The following CAMK1D variants were observed in gnomAD, a reference collection of about 807,000 sequenced individuals.
The protein encoded by CAMK1D is calcium/calmodulin dependent protein kinase ID, also known as calcium/calmodulin-dependent protein kinase type 1D.
CAMK1D carries 9 observed loss-of-function variants against 47.7 expected under a neutral mutation model. The observed-to-expected ratio is 0.19, with a 90% CI of 0.11 to 0.33. CAMK1D has a LOEUF of 0.33. CAMK1D is among the 10% of genes least tolerant of loss of function. The pLI is 1.00. For missense variants in CAMK1D, 291 were observed against 488.7 expected, an observed-to-expected ratio of 0.60 and a Z score of 3.81; for synonymous variants, 184 against 184.9, an observed-to-expected ratio of 0.99 and a Z score of 0.04.
intron 2 of CAMK1D, among the ~76,000 whole-genome samples, chr10:12,650,789 C>T (rs142095729): frequency 6.6e-6 from 1 of 152,294 alleles, no homozygotes; most frequent in African/African-American, 2.4e-5. Flanking sequence ...TTATCAAAAA[C>T]ATCAGCTCTG....
chr10:12,624,105 C>G (rs969323854), intron 2 of CAMK1D, among the ~76,000 whole-genome samples: 4 of 151,816 alleles, frequency 2.6e-5, no homozygotes, highest in Admixed American at 6.6e-5. Context: ...CAAAAAACTG[C>G]AATTAAGGAA....
rs185738045 is a variant in CAMK1D, at chr10:12,522,613, A to C, written c.93-30612A>C. On this transcript the variant is annotated intron_variant, in intron 1 of 10. Transcript: ENST00000619168. ...TGTCCACTTCTTTCCACACAGACAC[A>C]GCAACCATCTGATTGCTCAATATTT... Among the ~76,000 whole-genome samples the C allele has an allele frequency of 9.6e-3, 1,455 of 152,116 alleles. 13 individuals carry two copies. The highest frequency in any genetic ancestry group is 0.041 in the Middle Eastern group (12 of 294).
intron 2 of CAMK1D, among the ~76,000 whole-genome samples, chr10:12,561,187 G>T (rs908482957): frequency 3.4e-4 from 52 of 152,194 alleles, no homozygotes; most frequent in Admixed American, 1.2e-3. Flanking sequence ...AAAGTGCTGG[G>T]ATTACAGGCG....
At chr10:12,632,952 C>A (rs1045842708) in intron 2 of CAMK1D, among the ~76,000 whole-genome samples, 1 of 152,296 alleles carries the variant, frequency 6.6e-6, no homozygotes, top group East Asian at 1.9e-4. Flanking sequence ...CTCAGCCTCC[C>A]AAAGTGCTGG....
At chr10:12,716,360 G>A (rs1456287067) in intron 3 of CAMK1D, among the ~76,000 whole-genome samples, 2 of 152,132 alleles carry the variant, frequency 1.3e-5, no homozygotes, top group Admixed American at 6.5e-5. Flanking sequence ...CTGCGGGACA[G>A]AATCACCCCA....
intron 1 of CAMK1D, among the ~76,000 whole-genome samples, chr10:12,450,741 T>A (rs1186392606): frequency 1.3e-5 from 2 of 152,236 alleles, no homozygotes; most frequent in African/African-American, 4.8e-5. Flanking sequence ...TGGACAGCCC[T>A]TTGCATTTAG....
chr10:12,643,571 T>C (rs1333150939), intron 2 of CAMK1D, among the ~76,000 whole-genome samples: 1 of 152,116 alleles, frequency 6.6e-6, no homozygotes, highest in Non-Finnish European at 1.5e-5. Context: ...GGATCTAGGT[T>C]GTGTGCTCCT....
At chr10:12,643,416 G>A (rs1020130741) in intron 2 of CAMK1D, among the ~76,000 whole-genome samples, 1 of 152,190 alleles carries the variant, frequency 6.6e-6, no homozygotes, top group African/African-American at 2.4e-5. Flanking sequence ...AGCAGGAGAC[G>A]AGCGGCAGGT....
intron 1 of CAMK1D, among the ~76,000 whole-genome samples, chr10:12,352,882 G>A (rs1224039134): frequency 6.6e-6 from 1 of 151,632 alleles, no homozygotes; most frequent in Admixed American, 6.6e-5. Flanking sequence ...GACTACAGAC[G>A]CCCGCCGCCA....
intron 3 of CAMK1D, among the ~76,000 whole-genome samples, chr10:12,724,240 C>T (rs566720094): frequency 2.0e-5 from 3 of 152,252 alleles, no homozygotes; most frequent in Admixed American, 2.0e-4. Context: ...CCACCCACCA[C>T]AGCCTCCCAA....
At chr10:12,621,971 T>C (rs1263172461) in intron 2 of CAMK1D, among the ~76,000 whole-genome samples, 1 of 152,178 alleles carries the variant, frequency 6.6e-6, no homozygotes, top group Non-Finnish European at 1.5e-5. Context: ...CCACTAGGCT[T>C]CCATGGTCAC....
At chr10:12,462,572 A>T (rs1232498547) in intron 1 of CAMK1D, among the ~76,000 whole-genome samples, 1 of 152,184 alleles carries the variant, frequency 6.6e-6, no homozygotes, top group African/African-American at 2.4e-5. Flanking sequence ...AGTAACAGGA[A>T]CAACTACAAA....
intron 5 of CAMK1D, among the ~76,000 whole-genome samples, chr10:12,788,627 C>T (rs1837840068): frequency 6.6e-6 from 1 of 152,242 alleles, no homozygotes. Context: ...CCTGTTTGGC[C>T]ACTGGGACCA....
intron 1 of CAMK1D, among the ~76,000 whole-genome samples, chr10:12,500,509 C>T (rs1588558790): frequency 6.6e-6 from 1 of 152,124 alleles, no homozygotes; most frequent in Non-Finnish European, 1.5e-5. Context: ...GCCTTTGCTG[C>T]CATTGCCAGG....
intron 5 of CAMK1D, among the ~76,000 whole-genome samples, chr10:12,784,652 T>A (rs1457178019): frequency 6.6e-6 from 1 of 152,264 alleles, no homozygotes; most frequent in Non-Finnish European, 1.5e-5. Context: ...TTTTACCTAA[T>A]ACAGGTACTT....
At chr10:12,380,516 G>A (rs1311440274) in intron 1 of CAMK1D, among the ~76,000 whole-genome samples, 2 of 152,068 alleles carry the variant, frequency 1.3e-5, no homozygotes, top group Non-Finnish European at 2.9e-5. Flanking sequence ...CCGGAAAAAA[G>A]GGAAGGATTT....
chr10:12,585,472 G>A (rs1284029365), intron 2 of CAMK1D, among the ~76,000 whole-genome samples: 1 of 152,206 alleles, frequency 6.6e-6, no homozygotes, highest in Non-Finnish European at 1.5e-5. Flanking sequence ...TTTTCACGCT[G>A]CTGATAAAGA....
intron 3 of CAMK1D, among the ~76,000 whole-genome samples, chr10:12,737,519 C>G (rs1835241292): frequency 6.6e-6 from 1 of 152,130 alleles, no homozygotes; most frequent in Non-Finnish European, 1.5e-5. Flanking sequence ...TTGGAGTCTG[C>G]TGTCCTCTCA....
intron 1 of CAMK1D, among the ~76,000 whole-genome samples, chr10:12,403,818 T>G (rs1276188660): frequency 6.6e-6 from 1 of 152,100 alleles, no homozygotes; most frequent in Non-Finnish European, 1.5e-5. Flanking sequence ...TCAACTGTTC[T>G]TCCATAATAG....
Sources: allele counts gnomAD v4.1 joint callset (sites outside exome capture counted in the v4.1 genomes callset), GRCh38; gene constraint gnomAD v4.1.1; transcripts MANE v1.5; gene names NCBI Gene and HGNC (gene_info 2026-07-23, HGNC 2026-07-21).